The following BBS9 variants were observed in gnomAD, a reference collection of about 807,000 sequenced individuals.
BBS9 encodes protein PTHB1.
In BBS9, 89 loss-of-function variants were observed where a neutral mutation model predicts 117.7. The observed-to-expected ratio is 0.76, with a 90% confidence interval of 0.64 to 0.90. The LOEUF is 0.90. Ranked by LOEUF, BBS9 falls within the 40% of genes least tolerant of loss-of-function variation. The probability of loss-of-function intolerance (pLI) is 0.00; values close to 1 mark genes in which losing one functional copy is unlikely to be tolerated. For missense variants in BBS9, 982 were observed against 1,042.2 expected, an observed-to-expected ratio of 0.94 and a Z score of 0.80; for synonymous variants, 379 against 370.9, an observed-to-expected ratio of 1.02 and a Z score of -0.25.
chr7:33,207,742 A>G (rs1477887258), intron 5 of BBS9, among the ~76,000 whole-genome samples: 4 of 152,184 alleles, frequency 2.6e-5, no homozygotes, highest in Non-Finnish European at 5.9e-5. Context: ...ATACATATAT[A>G]CATATCTGTA....
chr7:33,544,257 T>C (rs1388310160), intron 21 of BBS9, among the ~76,000 whole-genome samples: 1 of 152,182 alleles, frequency 6.6e-6, no homozygotes, highest in Non-Finnish European at 1.5e-5. Context: ...TTTGGTGGTG[T>C]TGAAGAGCCT....
At chr7:33,249,962 CTGT>C (rs1795980545) in intron 5 of BBS9, among the ~76,000 whole-genome samples, 1 of 152,138 alleles carries the variant, frequency 6.6e-6, no homozygotes, top group South Asian at 2.1e-4. Context: ...TGCATCGTAT[CTGT>C]CATGAAATCT....
Position 33,351,335 on chromosome 7 carries a change from G to C in BBS9, c.1537+12G>C, listed in dbSNP as rs892608456. On this transcript the variant is annotated intron_variant, in intron 14 of 22. Transcript: ENST00000242067. ...TTCCAGACCAACAGGTAAACATACA[G>C]GCTTAATCATTACTTTAAGTTGTTG... 1.3e-6 allele frequency: 2 copies of C among 1,541,232 alleles called. No homozygotes were observed. The highest frequency in any genetic ancestry group is 1.7e-5 in the Admixed American group (1 of 59,908).
intron 5 of BBS9, among the ~76,000 whole-genome samples, chr7:33,236,288 T>G (rs1793465493): frequency 1.3e-5 from 2 of 149,906 alleles, no homozygotes; most frequent in Admixed American, 6.7e-5. Flanking sequence ...ATTGTACCAT[T>G]TTACTCCAGC....
intron 10 of BBS9, among the ~76,000 whole-genome samples, chr7:33,337,108 T>G (rs755850285): frequency 6.6e-6 from 1 of 152,154 alleles, no homozygotes; most frequent in Non-Finnish European, 1.5e-5. Flanking sequence ...ACCATCCAAA[T>G]GGTGTGTAGC....
At chr7:33,604,583 T>G (rs887114396) in intron 21 of BBS9, among the ~76,000 whole-genome samples, 1 of 152,172 alleles carries the variant, frequency 6.6e-6, no homozygotes, top group Non-Finnish European at 1.5e-5. Flanking sequence ...ATAGGATAGG[T>G]TTTGTCCTTT....
At chr7:33,398,256 A>T (rs528281805) in intron 19 of BBS9, among the ~76,000 whole-genome samples, 1 of 152,188 alleles carries the variant, frequency 6.6e-6, no homozygotes, top group African/African-American at 2.4e-5. Flanking sequence ...CCTGTTCTTC[A>T]TTGGTATTTC....
chr7:33,502,231 A>G (rs1461762184), intron 19 of BBS9, among the ~76,000 whole-genome samples: 1 of 152,104 alleles, frequency 6.6e-6, no homozygotes, highest in African/African-American at 2.4e-5. Flanking sequence ...TTTAGGACAC[A>G]TTTCAGATAC....
Position 33,579,248 on chromosome 7 carries a change from C to G in BBS9, c.2522-25617C>G, listed in dbSNP as rs151314544. The stretch of plus-strand genomic sequence containing the variant: ...CAAAAAAGACAAACCACTTCATCCT[C>G]TGAAACACTTCATTATGAGCTGAAA... On this transcript the variant is annotated intron_variant, in intron 21 of 22. Coordinates refer to ENST00000242067, the MANE Select transcript of BBS9 (RefSeq NM_198428.3). 8.4e-4 allele frequency among the ~76,000 whole-genome samples: 128 copies of G among 152,334 alleles called. 1 individual carries two copies. In the Middle Eastern group the frequency reaches 0.01, roughly 12 times the overall value.
At chr7:33,552,652 C>T (rs569053939) in intron 21 of BBS9, among the ~76,000 whole-genome samples, 23 of 152,278 alleles carry the variant, frequency 1.5e-4, no homozygotes, top group Admixed American at 2.6e-4. Context: ...TAATTGATTT[C>T]GTATCTCATT....
chr7:33,160,953 T>G (rs1238915648), intron 4 of BBS9, among the ~76,000 whole-genome samples: 2 of 152,112 alleles, frequency 1.3e-5, no homozygotes, highest in Non-Finnish European at 2.9e-5. Flanking sequence ...CCAGAAGACA[T>G]GCATTGAAAA....
chr7:33,234,031 C>T (rs1232878946), intron 5 of BBS9, among the ~76,000 whole-genome samples: 2 of 152,070 alleles, frequency 1.3e-5, no homozygotes, highest in Non-Finnish European at 2.9e-5. Flanking sequence ...CTTTTTGTCC[C>T]ACATATCCAC....
At chr7:33,379,379 A>G (rs1288767771) in intron 17 of BBS9, among the ~76,000 whole-genome samples, 1 of 152,204 alleles carries the variant, frequency 6.6e-6, no homozygotes, top group East Asian at 1.9e-4. Context: ...TTATAGTTGA[A>G]TGGAATAAAT....
At chr7:33,581,946 G>A (rs534096229) in intron 21 of BBS9, among the ~76,000 whole-genome samples, 1 of 145,978 alleles carries the variant, frequency 6.9e-6, no homozygotes, top group East Asian at 2.0e-4. Flanking sequence ...CTTTTGTGTT[G>A]TCTAGACAGT....
intron 9 of BBS9, among the ~76,000 whole-genome samples, chr7:33,294,524 A>G (rs1480850071): frequency 6.6e-6 from 1 of 152,150 alleles, no homozygotes; most frequent in African/African-American, 2.4e-5. Flanking sequence ...AGTGGGCATT[A>G]TTAATAGGCA....
At chr7:33,164,178 G>A (rs1451415320) in intron 4 of BBS9, among the ~76,000 whole-genome samples, 1 of 152,190 alleles carries the variant, frequency 6.6e-6, no homozygotes, top group Non-Finnish European at 1.5e-5. Context: ...TAATTTGATT[G>A]CACTGTGGTC....
intron 7 of BBS9, among the ~76,000 whole-genome samples, chr7:33,272,573 A>G (rs1446442318): frequency 6.6e-6 from 1 of 152,156 alleles, no homozygotes; most frequent in Non-Finnish European, 1.5e-5. Context: ...GCTCTTATGT[A>G]TAGAATATTC....
In BBS9 at chr7:33,534,097, G is replaced by A. The variant is rs1465870723; in HGVS notation, c.2442G>A (p.Leu814=). 6.2e-7 allele frequency: 1 copy of A among 1,614,158 alleles called. No homozygotes were observed. The highest frequency in any genetic ancestry group is 8.5e-7 in the Non-Finnish European group (1 of 1,180,034). Residue 814 remains leucine, a synonymous_variant, in exon 21 of 23, where the codon TTG becomes TTA. Coordinates refer to ENST00000242067, the MANE Select transcript of BBS9 (RefSeq NM_198428.3). ...DTSQLKKHIT[L]LCDRLSKGGR... is the part of the protein sequence containing the mutation. ...GCCAACTGAAGAAACATATCACCTTGCTCTGCGATAGATTATCCAAAGGTG... is the reference window on the plus strand; with the variant it reads ...GCCAACTGAAGAAACATATCACCTTACTCTGCGATAGATTATCCAAAGGTG...
intron 20 of BBS9, among the ~76,000 whole-genome samples, chr7:33,516,773 C>T (rs1394678703): frequency 6.6e-6 from 1 of 152,160 alleles, no homozygotes; most frequent in Non-Finnish European, 1.5e-5. Context: ...GACTGAGTCT[C>T]TATTGGTATC....
Sources: allele counts gnomAD v4.1 joint callset (sites outside exome capture counted in the v4.1 genomes callset), GRCh38; gene constraint gnomAD v4.1.1; transcripts MANE v1.5; gene names NCBI Gene and HGNC (gene_info 2026-07-23, HGNC 2026-07-21).